The following IL1RAP variants were observed in gnomAD, a reference collection of about 807,000 sequenced individuals.
IL1RAP encodes interleukin-1 receptor accessory protein.
In IL1RAP, 35 loss-of-function variants were observed where a neutral mutation model predicts 60.7. The observed-to-expected ratio is 0.58, with a 90% CI of 0.44 to 0.76. IL1RAP has a LOEUF of 0.76. Ranked by LOEUF, IL1RAP falls within the 30% of genes least tolerant of loss-of-function variation. The pLI is 0.00. For missense variants in IL1RAP, 572 were observed against 693.9 expected (o/e 0.82, Z 1.97); for synonymous variants, 268 against 250.9 (o/e 1.07, Z -0.64).
chr3:190,647,657 T>C (rs1252001328), intron 11 of IL1RAP, among the ~76,000 whole-genome samples: 2 of 152,134 alleles, frequency 1.3e-5, no homozygotes, highest in African/African-American at 4.8e-5. Context: ...CAGCGATTAA[T>C]TTAGGCTCCA....
chr3:190,627,806 AGG>A (rs1732439591), intron 8 of IL1RAP, among the ~76,000 whole-genome samples: 1 of 152,186 alleles, frequency 6.6e-6, no homozygotes, highest in Non-Finnish European at 1.5e-5. Context: ...ATGAATAAAA[AGG>A]TCACAATCAA....
intron 2 of IL1RAP, among the ~76,000 whole-genome samples, chr3:190,561,539 T>C (rs1392648439): frequency 1.3e-5 from 2 of 152,120 alleles, no homozygotes; most frequent in Non-Finnish European, 2.9e-5. Context: ...TCACACTAAT[T>C]AGAATGTCTT....
At chr3:190,627,278 T>C (rs2108812195) in intron 7 of IL1RAP, 45 bp from the exon 8 acceptor site, 3 of 1,440,870 alleles carry the variant, frequency 2.1e-6, no homozygotes, top group African/African-American at 1.6e-5. Flanking sequence ...TGTTTTGTTT[T>C]GTTTTGTTTT....
chr3:190,631,483 C>T (rs1732784008), intron 9 of IL1RAP, among the ~76,000 whole-genome samples: 1 of 152,148 alleles, frequency 6.6e-6, no homozygotes, highest in African/African-American at 2.4e-5. Flanking sequence ...ACTGTTTGGT[C>T]ACACCTGTGT....
At chr3:190,634,707 G>GT (rs1167445179) in intron 9 of IL1RAP, among the ~76,000 whole-genome samples, 3,426 of 134,546 alleles carry the variant, frequency 0.025, 124 homozygotes, top group African/African-American at 0.06. Flanking sequence ...GGCCTGTTGT[G>GT]TTTTTTTTTT....
intron 3 of IL1RAP, among the ~76,000 whole-genome samples, chr3:190,583,215 C>T (rs981401822): frequency 1.3e-5 from 2 of 152,164 alleles, no homozygotes; most frequent in African/African-American, 4.8e-5. Context: ...AATGAAAGCT[C>T]CATGACAACA....
intron 3 of IL1RAP, among the ~76,000 whole-genome samples, chr3:190,600,293 G>A (rs547034914): frequency 6.6e-6 from 1 of 152,334 alleles, no homozygotes; most frequent in South Asian, 2.1e-4. Context: ...TCTGTGGAGA[G>A]TAAATGTCTG....
chr3:190,576,888 C>T (rs1470312237), intron 3 of IL1RAP, among the ~76,000 whole-genome samples: 3 of 151,400 alleles, frequency 2.0e-5, no homozygotes, highest in Admixed American at 6.6e-5. Context: ...CTGAGGTGGG[C>T]GGATCACGAG....
intron 8 of IL1RAP, among the ~76,000 whole-genome samples, chr3:190,628,548 T>A (rs1374245290): frequency 6.6e-6 from 1 of 152,192 alleles, no homozygotes; most frequent in Non-Finnish European, 1.5e-5. Context: ...TTCTCTGCGA[T>A]AAGTAAAGGA....
intron 1 of IL1RAP, among the ~76,000 whole-genome samples, chr3:190,522,137 G>A (rs1297918536): frequency 1.3e-5 from 2 of 152,062 alleles, no homozygotes; most frequent in Non-Finnish European, 2.9e-5. Context: ...GACAGTGGTG[G>A]GGGCAGCAGA....
chr3:190,594,319 G>T (rs555089217), intron 3 of IL1RAP, among the ~76,000 whole-genome samples: 62 of 152,314 alleles, frequency 4.1e-4, no homozygotes, highest in African/African-American at 1.3e-3. Flanking sequence ...GAGGTGGAAA[G>T]TTCAGGGCTG....
At chr3:190,570,739 A>AT (rs1238246617) in intron 3 of IL1RAP, among the ~76,000 whole-genome samples, 1 of 151,622 alleles carries the variant, frequency 6.6e-6, no homozygotes, top group Non-Finnish European at 1.5e-5. Context: ...CTAATTCTGT[A>AT]TTTTTTTGTA....
At chr3:190,578,614 C>T (rs1727706473) in intron 3 of IL1RAP, among the ~76,000 whole-genome samples, 1 of 152,184 alleles carries the variant, frequency 6.6e-6, no homozygotes, top group African/African-American at 2.4e-5. Context: ...TAGCAACTCC[C>T]CACTTTCCTC....
chr3:190,624,994 C>A, intron 7 of IL1RAP: 1 of 165,358 alleles, frequency 6.0e-6, no homozygotes, highest in South Asian at 1.7e-4. Flanking sequence ...GCAGCGGGGT[C>A]CTCGTGTGCT....
chr3:190,556,841 T>TA (rs1207674882), intron 2 of IL1RAP, among the ~76,000 whole-genome samples: 3 of 152,218 alleles, frequency 2.0e-5, no homozygotes, highest in African/African-American at 7.2e-5. Flanking sequence ...TCTCACTTAA[T>TA]AAGAGTTGAT....
At position 190,648,923 on chromosome 3, in the gene IL1RAP, T is replaced by G; in HGVS notation, c.*218T>G. On this transcript the variant is annotated 3_prime_UTR_variant, in exon 12 of 12. Coordinates refer to ENST00000447382, the MANE Select transcript of IL1RAP (RefSeq NM_002182.4). ...TCAACGTTCTGTCACCAGTCTCTGATGCCACTATGTTCTTTGCAGGCAAAG... is the reference window on the plus strand; with the variant it reads ...TCAACGTTCTGTCACCAGTCTCTGAGGCCACTATGTTCTTTGCAGGCAAAG... 7.5e-7 allele frequency: 1 copy of G among 1,334,746 alleles called. No homozygotes were observed. Among genetic ancestry groups the G allele is most frequent in the East Asian group, 3.0e-5 (1 of 33,898 alleles). 82.7% of individuals were successfully genotyped at this position (1,334,746 alleles called of 1,614,324 possible).
At chr3:190,640,678 C>G (rs1056367423) in intron 9 of IL1RAP, among the ~76,000 whole-genome samples, 3 of 152,132 alleles carry the variant, frequency 2.0e-5, no homozygotes, top group African/African-American at 7.2e-5. Flanking sequence ...TGACGGAAAT[C>G]ACTCAGATTT....
chr3:190,648,983 C>A lies in IL1RAP; in HGVS notation c.*278C>A. 2 of 1,135,580 alleles carry A rather than the reference C, an allele frequency of 1.8e-6. No homozygotes were observed. The highest frequency in any genetic ancestry group is 2.2e-6 in the Non-Finnish European group (2 of 925,774). 70.3% of individuals were successfully genotyped at this position (1,135,580 alleles called of 1,614,324 possible). On this transcript the variant is annotated 3_prime_UTR_variant, in exon 12 of 12. Coordinates refer to ENST00000447382, the MANE Select transcript of IL1RAP (RefSeq NM_002182.4). ...ATGCGAATTTCCCCTTCTACATTGTCTATCCCTGTTTTTATATGTCTCCAT... is the reference window on the plus strand; with the variant it reads ...ATGCGAATTTCCCCTTCTACATTGTATATCCCTGTTTTTATATGTCTCCAT...
intron 3 of IL1RAP, among the ~76,000 whole-genome samples, chr3:190,592,166 C>T (rs1228849589): frequency 1.3e-5 from 2 of 152,120 alleles, no homozygotes; most frequent in East Asian, 1.9e-4. Flanking sequence ...ATTACAGGCA[C>T]GCGCCACCAC....
Sources: gnomAD v4.1 joint callset for allele counts (sites outside exome capture counted in the v4.1 genomes callset) on GRCh38, gnomAD v4.1.1 for gene constraint, MANE v1.5 for transcripts, NCBI Gene and HGNC (gene_info 2026-07-23, HGNC 2026-07-21) for gene names.